VWF: variants seen among roughly 807,000 people sequenced by gnomAD.
VWF encodes the protein Factor VIII related antigen.
In VWF, 176 loss-of-function variants were observed where a neutral mutation model predicts 308.6. The observed-to-expected ratio is 0.57, with a 90% CI of 0.50 to 0.65. VWF has a LOEUF of 0.65. Ranked by LOEUF, VWF falls within the 30% of genes least tolerant of loss-of-function variation. VWF has a pLI of 0.00. For synonymous variants in VWF, 1,385 were observed against 1,443.4 expected, an observed-to-expected ratio of 0.96 and a Z score of 0.92; for missense variants, 3,146 against 3,648.2, an observed-to-expected ratio of 0.86 and a Z score of 3.55.
At chr12:5,993,127 A>C (rs1035042207) in intron 37 of VWF, among the ~76,000 whole-genome samples, 2 of 152,146 alleles carry the variant, frequency 1.3e-5, no homozygotes, top group African/African-American at 4.8e-5. Flanking sequence ...CATGATGATA[A>C]ACTCTGAGGC....
chr12:6,080,073 C>G (rs920292391), intron 6 of VWF, among the ~76,000 whole-genome samples: 5 of 152,130 alleles, frequency 3.3e-5, no homozygotes, highest in African/African-American at 9.7e-5. Context: ...TCAAGAGCCT[C>G]CTTTTCCAGG....
At chr12:6,043,860 A>G (rs553011666) in intron 18 of VWF, among the ~76,000 whole-genome samples, 95 of 152,332 alleles carry the variant, frequency 6.2e-4, no homozygotes, top group Admixed American at 2.0e-3. Context: ...AGGGCCATCA[A>G]TGTCTTTTTT....
chr12:6,075,567 C>T lies in VWF; in HGVS notation c.658-16G>A, dbSNP rs1944833507. On this transcript the variant is annotated splice_polypyrimidine_tract_variant and intron_variant, in intron 6 of 51. Coordinates refer to ENST00000261405, the MANE Select transcript of VWF (RefSeq NM_000552.5). This position sits in a 1 kb window ranked among gnomAD's most constrained non-coding sequence, Gnocchi z 4.7. ...CCCACAGGCCCTGCAGGAAGAGGGGCCGCCTCAGCGGTATGCTCCGTTAGT... is the reference window on the plus strand; with the variant it reads ...CCCACAGGCCCTGCAGGAAGAGGGGTCGCCTCAGCGGTATGCTCCGTTAGT... 6.2e-7 allele frequency: 1 copy of T among 1,609,878 alleles called. No homozygotes were observed. The highest frequency in any genetic ancestry group is 8.5e-7 in the Non-Finnish European group (1 of 1,178,076).
In VWF at chr12:6,114,730, G is replaced by A. The variant is rs575858319; in HGVS notation, c.221-3762C>T. On this transcript the variant is annotated intron_variant, in intron 3 of 51. Transcript: ENST00000261405. ...AGACCAGCATCAGGAAGTCCAAGGG[G>A]CAGCCCAGGGCTGAGCCTGTGTGAG... 6.6e-5 allele frequency among the ~76,000 whole-genome samples: 10 copies of A among 152,270 alleles called. No individual in the cohort carries two copies. In the East Asian group the frequency reaches 1.6e-3, roughly 24 times the overall value.
chr12:6,074,102 G>A (rs1055311634), intron 7 of VWF, among the ~76,000 whole-genome samples: 1 of 151,968 alleles, frequency 6.6e-6, no homozygotes, highest in Non-Finnish European at 1.5e-5. Context: ...GGAGTCCTAC[G>A]ACAAAGCAAG....
At chr12:6,064,782 G>C (rs1245055036) in intron 11 of VWF, among the ~76,000 whole-genome samples, 1 of 152,176 alleles carries the variant, frequency 6.6e-6, no homozygotes, top group South Asian at 2.1e-4. Context: ...ACAGAGTTCA[G>C]AAGAGAAGAC....
At chr12:6,067,219 C>T (rs1944726497) in intron 10 of VWF, among the ~76,000 whole-genome samples, 1 of 152,180 alleles carries the variant, frequency 6.6e-6, no homozygotes, top group African/African-American at 2.4e-5. Flanking sequence ...CCTTTTTGAA[C>T]TGACCATTTT....
chr12:6,105,538 A>G (rs1049070234), intron 5 of VWF, among the ~76,000 whole-genome samples: 1 of 152,234 alleles, frequency 6.6e-6, no homozygotes, highest in Non-Finnish European at 1.5e-5. Context: ...GCCCGGCCTT[A>G]TACAAATTTT....
At chr12:6,009,017 T>C (rs1002765971) in intron 34 of VWF, among the ~76,000 whole-genome samples, 2 of 152,128 alleles carry the variant, frequency 1.3e-5, no homozygotes, top group Admixed American at 6.5e-5. Flanking sequence ...TTTGCAACAT[T>C]GGTCTTGGCG....
At chr12:6,049,394 C>T (rs1944482761) in intron 16 of VWF, among the ~76,000 whole-genome samples, 1 of 152,146 alleles carries the variant, frequency 6.6e-6, no homozygotes, top group Non-Finnish European at 1.5e-5. Flanking sequence ...GGGTCACTCC[C>T]CAACCCTGTT....
intron 38 of VWF, among the ~76,000 whole-genome samples, chr12:5,988,759 G>T (rs756265606): frequency 6.6e-6 from 1 of 152,226 alleles, no homozygotes; most frequent in Non-Finnish European, 1.5e-5. Context: ...CCGGCAGATG[G>T]CACTGCTGCA....
At chr12:6,083,933 C>T (rs1358908887) in intron 6 of VWF, among the ~76,000 whole-genome samples, 3 of 152,278 alleles carry the variant, frequency 2.0e-5, no homozygotes, top group East Asian at 1.9e-4. Context: ...CTTGAGCCGG[C>T]GTTTTGGTGC....
At chr12:5,999,786 A>G (rs556364021) in intron 34 of VWF, among the ~76,000 whole-genome samples, 3 of 152,262 alleles carry the variant, frequency 2.0e-5, no homozygotes, top group African/African-American at 7.2e-5. Flanking sequence ...TTGAATCAGA[A>G]TTTCAAAAAC....
chr12:6,008,877 C>G (rs553917369), intron 34 of VWF, among the ~76,000 whole-genome samples: 2 of 152,204 alleles, frequency 1.3e-5, no homozygotes, highest in Non-Finnish European at 2.9e-5. Flanking sequence ...TAACAATGAA[C>G]CTGTCCACAT....
At position 5,969,238 on chromosome 12, in the gene VWF, A is replaced by G; in HGVS notation, c.7702T>C (p.Ser2568Pro). The G allele has an allele frequency of 6.2e-7, 1 of 1,614,026 alleles. No homozygotes were observed. Among genetic ancestry groups the G allele is most frequent in the Non-Finnish European group, 8.5e-7 (1 of 1,179,968 alleles). Residue 2568 changes from serine to proline, a missense_variant, in exon 45 of 52, where the codon TCA (serine) becomes CCA (proline). Coordinates refer to ENST00000261405, the MANE Select transcript of VWF (RefSeq NM_000552.5). ...PSGFQLSCKT[S>P]ACCPSCRCER... ...CAGCGACAGCTTGGGCAGCACGCTG[A>G]GGTCTTACAGCTCAGCTGAAAGCCC...
chr12:6,026,609 T>C (rs1344099758), intron 22 of VWF, among the ~76,000 whole-genome samples: 1 of 152,216 alleles, frequency 6.6e-6, no homozygotes, highest in Non-Finnish European at 1.5e-5. Context: ...GAGTGCAACA[T>C]GCAACAAGTT....
intron 21 of VWF, among the ~76,000 whole-genome samples, chr12:6,030,222 T>C (rs549263729): frequency 2.0e-5 from 3 of 152,330 alleles, no homozygotes; most frequent in East Asian, 3.9e-4. Context: ...GCTAATCACA[T>C]GTGCAAATCT....
At chr12:6,041,712 G>A (rs1311728228) in intron 18 of VWF, among the ~76,000 whole-genome samples, 1 of 152,148 alleles carries the variant, frequency 6.6e-6, no homozygotes, top group Non-Finnish European at 1.5e-5. Context: ...CTCCCAAAGT[G>A]CTGGGATTAC....
chr12:5,986,354 AG>A lies in VWF; in HGVS notation c.6799-690del, dbSNP rs373414069. Among the ~76,000 whole-genome samples, 29 of 152,370 alleles carry A rather than the reference AG, an allele frequency of 1.9e-4. No homozygotes were observed. The East Asian group carries it at 4.0e-3, about 21-fold the overall frequency. On this transcript the variant is annotated intron_variant, in intron 38 of 51. Transcript: ENST00000261405. ...AGGAGTGAGAAACTGTGATTAGCAC[AG>A]GGTACACAGCAAAGAGCTCCACTAA...
Sources: allele counts gnomAD v4.1 joint callset (sites outside exome capture counted in the v4.1 genomes callset), GRCh38; gene constraint gnomAD v4.1.1; non-coding constraint Gnocchi (gnomAD v3.1); transcripts MANE v1.5; gene names NCBI Gene and HGNC (gene_info 2026-07-23, HGNC 2026-07-21).